Variants in TMEM217 observed in about 807,000 individuals in gnomAD.
TMEM217 encodes chromosome 6 open reading frame 128.
For missense variants in TMEM217, 204 were observed against 248.8 expected (o/e 0.82, Z 1.21); for synonymous variants, 76 against 88.3 (o/e 0.86, Z 0.78).
intron 1 of TMEM217, among the ~76,000 whole-genome samples, chr6:37,239,543 G>A (rs980534201): frequency 8.5e-5 from 13 of 152,068 alleles, no homozygotes; most frequent in Middle Eastern, 3.2e-3. Flanking sequence ...AAGCATTGAA[G>A]CATAGTGTAA....
downstream of TMEM217, chr6:37,212,753 A>C: frequency 1.5e-6 from 1 of 686,540 alleles, no homozygotes. Flanking sequence ...TAAAAGAGGA[A>C]GCAGCCGATG....
At chr6:37,256,659 A>C (rs1765754397) in intron 1 of TMEM217, among the ~76,000 whole-genome samples, 1 of 147,802 alleles carries the variant, frequency 6.8e-6, no homozygotes, top group African/African-American at 2.5e-5. Context: ...ATATAAAAGA[A>C]GGTCCTTCTT....
exon 2 of TMEM217, chr6:37,218,264 G>A: frequency 1.6e-6 from 2 of 1,259,512 alleles, no homozygotes; most frequent in South Asian, 3.3e-5. Flanking sequence ...CCACCTCCCA[G>A]GTCAAGTGAT....
intron 1 of TMEM217, among the ~76,000 whole-genome samples, chr6:37,252,601 GTGTGTGTA>G (rs59454815): frequency 0.48 from 35,657 of 74,790 alleles, 8,785 homozygotes; most frequent in East Asian, 0.59. Flanking sequence ...GTGTGTGTGT[GTGTGTGTA>G]TGTGTGTGTA....
chr6:37,240,816 A>C lies in TMEM217; in HGVS notation c.-12+16752T>G, dbSNP rs117342929. Reference sequence around the variant, plus strand: ...TGTTACTAATTCACTCTTCCATCAAAAATATATGTACCTATCTGTTTTAGC... The same window carrying C: ...TGTTACTAATTCACTCTTCCATCAACAATATATGTACCTATCTGTTTTAGC... On this transcript the variant is annotated intron_variant, in intron 1 of 1. Coordinates refer to ENST00000357219, the Ensembl canonical transcript of TMEM217. Among the ~76,000 whole-genome samples, 3 of 152,328 alleles carry C rather than the reference A, an allele frequency of 2.0e-5. No individual in the cohort carries two copies. In the East Asian group the frequency reaches 5.8e-4, roughly 29 times the overall value.
At chr6:37,216,731 C>T (rs1209714065), downstream of TMEM217, among the ~76,000 whole-genome samples, 1 of 152,094 alleles carries the variant, frequency 6.6e-6, no homozygotes, top group Non-Finnish European at 1.5e-5. Context: ...CCTAATGCAA[C>T]AGCATTAAAA....
At chr6:37,214,942 C>T (rs995963593), downstream of TMEM217, among the ~76,000 whole-genome samples, 1 of 152,150 alleles carries the variant, frequency 6.6e-6, no homozygotes, top group African/African-American at 2.4e-5. Context: ...CCAGAGCAGC[C>T]ACTACCCATG....
At chr6:37,218,500 G>T in exon 2 of TMEM217, 2 of 1,614,018 alleles carry the variant, frequency 1.2e-6, no homozygotes, top group Middle Eastern at 1.7e-4. Context: ...TTTTATTTCT[G>T]CTGTGGAGAA....
At chr6:37,231,955 A>G (rs1197241253) in intron 1 of TMEM217, among the ~76,000 whole-genome samples, 2 of 151,942 alleles carry the variant, frequency 1.3e-5, no homozygotes, top group Non-Finnish European at 2.9e-5. Flanking sequence ...ACTTACTAAA[A>G]TCAGAATCTC....
At chr6:37,219,096 T>C (rs578106928) in intron 1 of TMEM217, 55 bp from the exon 2 acceptor site, 1 of 1,486,936 alleles carries the variant, frequency 6.7e-7, no homozygotes, top group Admixed American at 2.0e-5. Context: ...CATGGTAAAT[T>C]ACCAGGGTTT....
intron 1 of TMEM217, among the ~76,000 whole-genome samples, chr6:37,255,080 C>T (rs942579746): frequency 6.6e-6 from 1 of 152,148 alleles, no homozygotes; most frequent in Non-Finnish European, 1.5e-5. Context: ...TCCTGCTGTG[C>T]GGCCTGGTTC....
downstream of TMEM217, chr6:37,215,054 A>G: frequency 1.0e-6 from 1 of 995,068 alleles, no homozygotes; most frequent in East Asian, 2.6e-5. Context: ...GTCTGTATAA[A>G]GCCCACTGGT....
intron 1 of TMEM217, among the ~76,000 whole-genome samples, chr6:37,245,351 A>C (rs1024852484): frequency 2.0e-5 from 3 of 152,250 alleles, no homozygotes; most frequent in Non-Finnish European, 4.4e-5. Flanking sequence ...TGCTGTTGCC[A>C]CAGCTATTCT....
intron 1 of TMEM217, among the ~76,000 whole-genome samples, chr6:37,231,120 C>T (rs1275272527): frequency 6.6e-6 from 1 of 151,798 alleles, no homozygotes; most frequent in African/African-American, 2.4e-5. Context: ...AGTGCAGGCG[C>T]ATGATCTCTG....
At chr6:37,239,595 C>A (rs189434584) in intron 1 of TMEM217, among the ~76,000 whole-genome samples, 1 of 152,048 alleles carries the variant, frequency 6.6e-6, no homozygotes, top group African/African-American at 2.4e-5. Context: ...GATAATGATG[C>A]ATTTTGCAGT....
downstream of TMEM217, among the ~76,000 whole-genome samples, chr6:37,214,032 C>G (rs1264638996): frequency 6.6e-6 from 1 of 152,212 alleles, no homozygotes; most frequent in Non-Finnish European, 1.5e-5. Context: ...TCCAGCCAGG[C>G]AGAGCACAGA....
intron 1 of TMEM217, among the ~76,000 whole-genome samples, chr6:37,227,350 T>C (rs1392909887): frequency 6.6e-6 from 1 of 152,230 alleles, no homozygotes; most frequent in Non-Finnish European, 1.5e-5. Context: ...TTTCTCTCTC[T>C]TTCCTAGTTC....
At chr6:37,215,444 A>G (rs1359405569), downstream of TMEM217, among the ~76,000 whole-genome samples, 1 of 151,906 alleles carries the variant, frequency 6.6e-6, no homozygotes. Flanking sequence ...GCATGGTGGC[A>G]CGCGCCAACT....
chr6:37,240,409 C>T (rs1446649458), intron 1 of TMEM217, among the ~76,000 whole-genome samples: 2 of 152,210 alleles, frequency 1.3e-5, no homozygotes, highest in Non-Finnish European at 2.9e-5. Flanking sequence ...GGCCAGAGAA[C>T]TCAGTTCCTC....
Sources: allele counts gnomAD v4.1 joint callset (sites outside exome capture counted in the v4.1 genomes callset), GRCh38; gene constraint gnomAD v4.1.1; transcripts MANE v1.5; gene names NCBI Gene and HGNC (gene_info 2026-07-23, HGNC 2026-07-21).